Variants in TENM3 observed in about 807,000 individuals in gnomAD.
TENM3 encodes teneurin transmembrane protein 3.
Under a neutral mutation model 255.1 loss-of-function variants are expected in TENM3, and 63 were observed. The observed-to-expected ratio is 0.25, with a 90% confidence interval of 0.20 to 0.30. The LOEUF is 0.30. TENM3 is among the 10% of genes least tolerant of loss of function. TENM3 has a pLI of 1.00. For synonymous variants in TENM3, 1,306 were observed against 1,322.3 expected, an observed-to-expected ratio of 0.99 and a Z score of 0.27; for missense variants, 2,929 against 3,461.1, an observed-to-expected ratio of 0.85 and a Z score of 3.86.
At chr4:182,422,229 G>A (rs1420155255) in intron 3 of TENM3, among the ~76,000 whole-genome samples, 1 of 152,030 alleles carries the variant, frequency 6.6e-6, no homozygotes, top group African/African-American at 2.4e-5. Context: ...TTAAAAGAGT[G>A]TAGACTGTAG....
At chr4:182,225,889 C>A (rs1008731536) in intron 1 of TENM3, among the ~76,000 whole-genome samples, 5 of 152,154 alleles carry the variant, frequency 3.3e-5, no homozygotes, top group Non-Finnish European at 5.9e-5. Flanking sequence ...GCAGTGGCAG[C>A]TTTTTAATCC....
At chr4:181,603,105 A>G in the TENM3 span, among the ~76,000 whole-genome samples, 1 of 152,228 alleles carries the variant, frequency 6.6e-6, no homozygotes, top group African/African-American at 2.4e-5. Flanking sequence ...GGATGACTCA[A>G]CATGCAACTC....
At chr4:182,157,354 A>G (rs898741244) in intron 1 of TENM3, among the ~76,000 whole-genome samples, 2 of 152,222 alleles carry the variant, frequency 1.3e-5, no homozygotes, top group African/African-American at 4.8e-5. Flanking sequence ...TTCCCTGTGG[A>G]ATAACTTGGC....
chr4:182,260,369 G>A (rs528571853), intron 1 of TENM3, among the ~76,000 whole-genome samples: 34 of 152,062 alleles, frequency 2.2e-4, no homozygotes, highest in Non-Finnish European at 3.8e-4. Flanking sequence ...GTGTATGAAG[G>A]TTCTCCTAAG....
At chr4:181,499,344 G>T in the TENM3 span, among the ~76,000 whole-genome samples, 3 of 152,032 alleles carry the variant, frequency 2.0e-5, no homozygotes, top group Admixed American at 6.6e-5. Flanking sequence ...CTTTAGTAGG[G>T]TACCTATAAA....
chr4:181,644,808 T>C, the TENM3 span, among the ~76,000 whole-genome samples: 3 of 152,200 alleles, frequency 2.0e-5, no homozygotes, highest in East Asian at 5.8e-4. Context: ...TCTGTCTACC[T>C]CCTCTCTGAT....
At chr4:181,826,605 T>C in the TENM3 span, among the ~76,000 whole-genome samples, 3 of 152,222 alleles carry the variant, frequency 2.0e-5, no homozygotes, top group African/African-American at 7.2e-5. Flanking sequence ...TTCTCATTAC[T>C]ACATTCCCAG....
At chr4:181,497,655 A>C in the TENM3 span, among the ~76,000 whole-genome samples, 22 of 152,130 alleles carry the variant, frequency 1.4e-4, no homozygotes, top group Non-Finnish European at 1.9e-4. Flanking sequence ...CTAGAGTACT[A>C]TTTTGTCCTT....
chr4:182,139,819 C>G (rs1749270271), upstream of TENM3, among the ~76,000 whole-genome samples: 1 of 152,198 alleles, frequency 6.6e-6, no homozygotes, highest in African/African-American at 2.4e-5. Flanking sequence ...AAGGTCGGAG[C>G]CACGCGTAAG....
At chr4:182,733,935 G>C (rs1469381849) in intron 16 of TENM3, among the ~76,000 whole-genome samples, 2 of 152,262 alleles carry the variant, frequency 1.3e-5, no homozygotes, top group East Asian at 3.9e-4. Context: ...GTTTCAGATA[G>C]TCAACAATTC....
At chr4:181,800,873 T>A in the TENM3 span, among the ~76,000 whole-genome samples, 2 of 152,184 alleles carry the variant, frequency 1.3e-5, no homozygotes, top group African/African-American at 2.4e-5. Flanking sequence ...ATGAATAAAA[T>A]GCCGGTGTAT....
At chr4:182,498,869 T>A (rs1736057463) in intron 3 of TENM3, among the ~76,000 whole-genome samples, 1 of 147,074 alleles carries the variant, frequency 6.8e-6, no homozygotes, top group East Asian at 2.0e-4. Context: ...AAAAAAAAAA[T>A]TCTCAGCGTC....
intron 13 of TENM3, among the ~76,000 whole-genome samples, chr4:182,718,188 T>G (rs1041682379): frequency 6.6e-6 from 1 of 151,480 alleles, no homozygotes; most frequent in Non-Finnish European, 1.5e-5. Context: ...AAAAAAAAAA[T>G]TATTAGCTTA....
intron 3 of TENM3, among the ~76,000 whole-genome samples, chr4:182,360,009 G>A (rs1765847951): frequency 2.0e-5 from 3 of 152,182 alleles, no homozygotes; most frequent in African/African-American, 7.2e-5. Context: ...AAGTTGTTCA[G>A]TTTCCATGGA....
At chr4:182,504,306 C>CTTT (rs1736604847) in intron 3 of TENM3, among the ~76,000 whole-genome samples, 1 of 151,940 alleles carries the variant, frequency 6.6e-6, no homozygotes, top group Admixed American at 6.6e-5. Context: ...GACGTAAATG[C>CTTT]TTTTTATCAA....
At chr4:181,737,050 G>A in the TENM3 span, among the ~76,000 whole-genome samples, 1 of 152,066 alleles carries the variant, frequency 6.6e-6, no homozygotes, top group Non-Finnish European at 1.5e-5. Context: ...TGAAACAAGG[G>A]CTGGGGAGGT....
the TENM3 span, among the ~76,000 whole-genome samples, chr4:181,559,368 A>G: frequency 6.6e-6 from 1 of 152,164 alleles, no homozygotes; most frequent in African/African-American, 2.4e-5. Context: ...CTGACCTTTT[A>G]AATTATGGCT....
intron 4 of TENM3, 93 bp downstream of exon 4, chr4:182,601,254 GT>G (rs1438462375): frequency 9.6e-7 from 1 of 1,047,092 alleles, no homozygotes; most frequent in Non-Finnish European, 1.4e-6. Flanking sequence ...GTGTTTTGGG[GT>G]TTTGTTGTTG....
the TENM3 span, among the ~76,000 whole-genome samples, chr4:182,107,422 G>A: frequency 6.6e-6 from 1 of 152,176 alleles, no homozygotes; most frequent in African/African-American, 2.4e-5. Flanking sequence ...CTGTTTCTGG[G>A]GGTTTCTAGC....
Sources: gnomAD v4.1 joint callset for allele counts (sites outside exome capture counted in the v4.1 genomes callset) on GRCh38, gnomAD v4.1.1 for gene constraint, MANE v1.5 for transcripts, NCBI Gene and HGNC (gene_info 2026-07-23, HGNC 2026-07-21) for gene names.